FUT8: variants seen among roughly 807,000 people sequenced by gnomAD.
FUT8 encodes alpha-(1,6)-fucosyltransferase.
A neutral mutation model predicts 71.3 loss-of-function variants in FUT8; 29 were observed. The ratio of observed to expected loss-of-function variants is 0.41; its 90% CI spans 0.30 to 0.55. The LOEUF (loss-of-function observed/expected upper bound fraction) is 0.55. Ranked by LOEUF, FUT8 falls within the 20% of genes least tolerant of loss-of-function variation. The pLI, the probability that FUT8 is intolerant of heterozygous loss-of-function variation, is 0.34. For synonymous variants in FUT8, 254 were observed against 239.3 expected, an observed-to-expected ratio of 1.06 and a Z score of -0.57; for missense variants, 544 against 702.1, an observed-to-expected ratio of 0.77 and a Z score of 2.55.
At chr14:65,690,199 T>C (rs1014494962) in intron 7 of FUT8, among the ~76,000 whole-genome samples, 2 of 152,206 alleles carry the variant, frequency 1.3e-5, no homozygotes, top group African/African-American at 4.8e-5. Flanking sequence ...CATCTCTATG[T>C]GGGTCTTTTT....
chr14:65,554,665 T>TA (rs940903172), intron 2 of FUT8, among the ~76,000 whole-genome samples: 85 of 152,194 alleles, frequency 5.6e-4, no homozygotes, highest in African/African-American at 2.0e-3. Flanking sequence ...TTGTAATAGT[T>TA]AAATTCACTG....
At chr14:65,666,094 A>G in intron 6 of FUT8, among the ~76,000 whole-genome samples, 1 of 152,236 alleles carries the variant, frequency 6.6e-6, no homozygotes, top group East Asian at 1.9e-4. Flanking sequence ...TAAAAAAAAA[A>G]CAAAATGCAA....
chr14:65,460,157 C>T (rs1263924024), intron 2 of FUT8, among the ~76,000 whole-genome samples: 1 of 152,098 alleles, frequency 6.6e-6, no homozygotes, highest in Non-Finnish European at 1.5e-5. Flanking sequence ...TCTTTTAGGA[C>T]AAAGGAAATA....
At chr14:65,412,521 C>G, upstream of FUT8, 1 of 358,398 alleles carries the variant, frequency 2.8e-6, no homozygotes, top group Non-Finnish European at 5.5e-6. Context: ...AGCCGGCGTG[C>G]GCAGCCGCTG....
chr14:65,602,050 A>C (rs2099591502), intron 3 of FUT8, among the ~76,000 whole-genome samples: 1 of 151,350 alleles, frequency 6.6e-6, no homozygotes, highest in African/African-American at 2.4e-5. Context: ...TTCAGTGGTG[A>C]TTTGTGAGAT....
At chr14:65,513,903 T>C (rs1692297822) in intron 2 of FUT8, among the ~76,000 whole-genome samples, 1 of 152,202 alleles carries the variant, frequency 6.6e-6, no homozygotes, top group African/African-American at 2.4e-5. Flanking sequence ...TATGAATATA[T>C]ATGGGGAAGT....
chr14:65,450,292 T>C (rs2065802678), intron 1 of FUT8, among the ~76,000 whole-genome samples: 1 of 152,190 alleles, frequency 6.6e-6, no homozygotes, highest in Admixed American at 6.5e-5. Context: ...CTCTTTATTT[T>C]ATACTTCTTT....
At chr14:65,427,967 A>G (rs1024389797) in intron 1 of FUT8, among the ~76,000 whole-genome samples, 5 of 152,176 alleles carry the variant, frequency 3.3e-5, no homozygotes, top group African/African-American at 9.7e-5. Flanking sequence ...TTCATTTAGC[A>G]TGATTCTGTT....
At chr14:65,629,905 T>G (rs1213327973) in intron 6 of FUT8, among the ~76,000 whole-genome samples, 2 of 151,820 alleles carry the variant, frequency 1.3e-5, no homozygotes, top group East Asian at 3.8e-4. Context: ...GAGAAATAGA[T>G]GAAATGCTTA....
At chr14:65,531,781 C>T (rs994572452) in intron 2 of FUT8, among the ~76,000 whole-genome samples, 1 of 152,100 alleles carries the variant, frequency 6.6e-6, no homozygotes, top group Admixed American at 6.6e-5. Context: ...CACTCTCCAC[C>T]CTCTGGTAGG....
At chr14:65,383,265 C>CTTTTTTTTTTTTTTTTTTTTTTTTTTT in the FUT8 span, among the ~76,000 whole-genome samples, 1 of 86,514 alleles carries the variant, frequency 1.2e-5, no homozygotes, top group Non-Finnish European at 2.3e-5. Context: ...TTTTTCTTTT[C>CTTTTTTTTTTTTTTTTTTTTTTTTTTT]TTTTTTTTTT....
intron 2 of FUT8, among the ~76,000 whole-genome samples, chr14:65,538,616 T>C (rs1457786409): frequency 2.0e-5 from 3 of 152,010 alleles, no homozygotes; most frequent in African/African-American, 4.8e-5. Context: ...GCTACTGATA[T>C]CTTTAAAAAT....
chr14:65,548,670 A>G (rs1885111266), intron 2 of FUT8, among the ~76,000 whole-genome samples: 1 of 152,090 alleles, frequency 6.6e-6, no homozygotes, highest in Non-Finnish European at 1.5e-5. Context: ...TTAGCATTGA[A>G]TTTATAGACA....
chr14:65,453,371 AG>A lies in FUT8; in HGVS notation c.-325-2248del, dbSNP rs1315860143. Among the ~76,000 whole-genome samples, 4 of 152,258 alleles carry A rather than the reference AG, an allele frequency of 2.6e-5. No individual in the cohort carries two copies. The East Asian group carries it at 7.7e-4, about 29-fold the overall frequency. ...TATTTGAAAGTGTTTTTTAACTTTT[AG>A]GTATTGCTTTTAATCTTTGTTAAGT... On this transcript the variant is annotated intron_variant, in intron 1 of 10. Transcript: ENST00000673929.
chr14:65,680,477 C>G (rs767593783), intron 7 of FUT8, among the ~76,000 whole-genome samples: 17 of 152,142 alleles, frequency 1.1e-4, no homozygotes, highest in Non-Finnish European at 2.1e-4. Flanking sequence ...GCCTTGGTCC[C>G]TTTTGTCTAA....
At chr14:65,485,186 T>A (rs368847524) in intron 2 of FUT8, among the ~76,000 whole-genome samples, 2,256 of 152,040 alleles carry the variant, frequency 0.015, 19 homozygotes, top group Middle Eastern at 0.024. Flanking sequence ...AAAAAAATAA[T>A]AATAATTTTT....
At chr14:65,591,748 TATCTC>T (rs1887698515) in intron 3 of FUT8, among the ~76,000 whole-genome samples, 1 of 152,054 alleles carries the variant, frequency 6.6e-6, no homozygotes, top group African/African-American at 2.4e-5. Flanking sequence ...CCATGTTTAA[TATCTC>T]AGCTGAAAAT....
chr14:65,470,184 C>T lies in FUT8; in HGVS notation c.-228+14466C>T, dbSNP rs553047263. Among the ~76,000 whole-genome samples, 376 of 152,374 alleles carry T rather than the reference C, an allele frequency of 2.5e-3. 2 individuals carry two copies. The Middle Eastern group carries it at 0.037, about 15-fold the overall frequency. On this transcript the variant is annotated intron_variant, in intron 2 of 10. Transcript: ENST00000673929. ...TGATGATATCCAGGCTTGGCTCCAA[C>T]CCCACTCTGAGAACCTGCCACATTG... is the stretch of plus-strand genomic sequence containing the variant.
At chr14:65,700,695 A>T (rs1421752793) in intron 7 of FUT8, among the ~76,000 whole-genome samples, 1 of 152,110 alleles carries the variant, frequency 6.6e-6, no homozygotes, top group Non-Finnish European at 1.5e-5. Context: ...CACCACACCC[A>T]GCCTCTTAAA....
Sources: allele counts gnomAD v4.1 joint callset (sites outside exome capture counted in the v4.1 genomes callset), GRCh38; gene constraint gnomAD v4.1.1; transcripts MANE v1.5; gene names NCBI Gene and HGNC (gene_info 2026-07-23, HGNC 2026-07-21).